The following UHRF1 variants were observed in gnomAD, a reference collection of about 807,000 sequenced individuals.
The protein encoded by UHRF1 is E3 ubiquitin-protein ligase UHRF1.
UHRF1 carries 9 observed loss-of-function variants against 96.5 expected under a neutral mutation model. That is an observed-to-expected ratio of 0.09 (90% confidence interval 0.06 to 0.16). The LOEUF is 0.16. Ranked by LOEUF, UHRF1 falls within the 10% of genes least tolerant of loss-of-function variation. UHRF1 has a pLI of 1.00. For synonymous variants in UHRF1, 455 were observed against 469.9 expected (o/e 0.97, Z 0.41); for missense variants, 626 against 1,131.1 (o/e 0.55, Z 6.40).
intron 2 of UHRF1, among the ~76,000 whole-genome samples, chr19:4,927,936 G>C (rs180985784): frequency 6.6e-6 from 1 of 152,320 alleles, no homozygotes; most frequent in East Asian, 1.9e-4. Flanking sequence ...AAACCAGGGG[G>C]ACCCCCAGCT....
intron 2 of UHRF1, among the ~76,000 whole-genome samples, chr19:4,927,931 A>G (rs951836831): frequency 6.6e-6 from 1 of 152,196 alleles, no homozygotes; most frequent in East Asian, 1.9e-4. Flanking sequence ...CGTGGAAACC[A>G]GGGGGACCCC....
At chr19:4,904,910 T>C (rs1051236107), upstream of UHRF1, among the ~76,000 whole-genome samples, 2 of 152,140 alleles carry the variant, frequency 1.3e-5, no homozygotes, top group Admixed American at 6.6e-5. Context: ...CATTGAATCA[T>C]AGGAGGGGCT....
chr19:4,941,479 T>G, intron 5 of UHRF1, 49 bp from the exon 6 acceptor site: 1 of 1,492,078 alleles, frequency 6.7e-7, no homozygotes, highest in South Asian at 1.2e-5. Flanking sequence ...GTGAGTAGAT[T>G]TAGGGGCCTC....
intron 2 of UHRF1, among the ~76,000 whole-genome samples, chr19:4,928,896 T>A (rs545372033): frequency 6.6e-6 from 1 of 152,328 alleles, no homozygotes; most frequent in South Asian, 2.1e-4. Flanking sequence ...AAAGCTGCCG[T>A]AAGCACGAAG....
chr19:4,948,967 C>CAAAAAAAAAAAA (rs55757803), intron 11 of UHRF1, among the ~76,000 whole-genome samples: 4 of 51,164 alleles, frequency 7.8e-5, no homozygotes, highest in Admixed American at 2.5e-4. Flanking sequence ...ACTAAGAATA[C>CAAAAAAAAAAAA]AAAAAAAAAA....
chr19:4,928,490 G>T (rs1156514021), intron 2 of UHRF1, among the ~76,000 whole-genome samples: 2 of 152,182 alleles, frequency 1.3e-5, no homozygotes. Flanking sequence ...CAGGTGACCC[G>T]AGGGGCAGGC....
chr19:4,933,041 C>G (rs1385420169), intron 5 of UHRF1, 85 bp downstream of exon 5: 18 of 1,426,490 alleles, frequency 1.3e-5, no homozygotes. Flanking sequence ...AGCCGTCCAG[C>G]CAGCGCTGTG....
intron 5 of UHRF1, among the ~76,000 whole-genome samples, chr19:4,936,239 A>C (rs73921812): frequency 0.011 from 1,650 of 152,208 alleles, 44 homozygotes; most frequent in African/African-American, 0.037. Flanking sequence ...CCTCGCAATG[A>C]GTTTGTGATG....
upstream of UHRF1, among the ~76,000 whole-genome samples, chr19:4,908,004 G>A (rs2032105502): frequency 6.6e-6 from 1 of 152,084 alleles, no homozygotes. Flanking sequence ...GAGCCAACGC[G>A]CCCGGCCCTT....
chr19:4,920,361 G>C (rs376400432), intron 2 of UHRF1, among the ~76,000 whole-genome samples: 24 of 152,206 alleles, frequency 1.6e-4, no homozygotes, highest in African/African-American at 5.3e-4. Flanking sequence ...GAACCCGGGA[G>C]ACGGAGGTTG....
At chr19:4,942,542 G>A (rs1447957010) in intron 7 of UHRF1, among the ~76,000 whole-genome samples, 2 of 151,924 alleles carry the variant, frequency 1.3e-5, no homozygotes, top group African/African-American at 4.8e-5. Context: ...TCTGCCTCCC[G>A]GGTTCAAGCA....
chr19:4,947,265 G>C (rs751038995), intron 11 of UHRF1, 54 bp downstream of exon 11: 512 of 1,545,434 alleles, frequency 3.3e-4, no homozygotes, highest in Non-Finnish European at 4.4e-4. Flanking sequence ...GCCGAGTCTT[G>C]GTTCTGTTTT....
At position 4,939,062 on chromosome 19, in the gene UHRF1, C is replaced by CAGGGAT. The variant is rs879744635; in HGVS notation, c.786-2466_786-2465insAGGGAT. 2.3e-3 allele frequency among the ~76,000 whole-genome samples: 348 copies of CAGGGAT among 150,202 alleles called. 1 individual carries two copies. Among genetic ancestry groups the CAGGGAT allele is most frequent in the Non-Finnish European group, 3.8e-3 (256 of 67,442 alleles). On this transcript the variant is annotated intron_variant, in intron 5 of 16. Coordinates refer to ENST00000650932, the MANE Select transcript of UHRF1 (RefSeq NM_001048201.3). ...CCGAGTAGCTGGGATTACAGGCGTG[C>CAGGGAT]TCCACTGCACCTGGCTCATTTTTTT...
intron 7 of UHRF1, 106 bp from the exon 8 acceptor site, chr19:4,944,026 G>T: frequency 2.0e-6 from 3 of 1,520,338 alleles, no homozygotes; most frequent in South Asian, 1.3e-5. Context: ...GGATGGTAGT[G>T]GTGCCAGGCG....
intron 7 of UHRF1, among the ~76,000 whole-genome samples, chr19:4,943,866 G>A (rs1037510315): frequency 2.0e-5 from 3 of 152,196 alleles, no homozygotes; most frequent in Non-Finnish European, 4.4e-5. Context: ...GGCCAGGCTG[G>A]TCTTGAACTC....
chr19:4,924,015 G>C (rs1021439683), intron 2 of UHRF1, among the ~76,000 whole-genome samples: 1 of 152,198 alleles, frequency 6.6e-6, no homozygotes, highest in Non-Finnish European at 1.5e-5. Context: ...CACCCACGCT[G>C]GAGTGCAGTG....
intron 2 of UHRF1, among the ~76,000 whole-genome samples, chr19:4,923,077 G>T (rs55872755): frequency 0.021 from 3,164 of 152,182 alleles, 120 homozygotes; most frequent in African/African-American, 0.072. Flanking sequence ...CCTGGCCAGG[G>T]CCCCTCATTG....
chr19:4,908,450 C>T (rs2032119281), upstream of UHRF1, among the ~76,000 whole-genome samples: 1 of 152,092 alleles, frequency 6.6e-6, no homozygotes, highest in South Asian at 2.1e-4. Context: ...ATATATCACC[C>T]CTCTGACCTC....
At chr19:4,955,347 C>G (rs1320292285) in intron 15 of UHRF1, among the ~76,000 whole-genome samples, 1 of 152,040 alleles carries the variant, frequency 6.6e-6, no homozygotes, top group African/African-American at 2.4e-5. Flanking sequence ...GCTCGGGGCC[C>G]CTTCCTCCCC....
Sources: allele counts gnomAD v4.1 joint callset (sites outside exome capture counted in the v4.1 genomes callset), GRCh38; gene constraint gnomAD v4.1.1; transcripts MANE v1.5; gene names NCBI Gene and HGNC (gene_info 2026-07-23, HGNC 2026-07-21).